The following RBM6 variants were observed in gnomAD, a reference collection of about 807,000 sequenced individuals.
The protein encoded by RBM6 is RNA binding motif protein 6.
Under a neutral mutation model 140.4 loss-of-function variants are expected in RBM6, and 23 were observed. The observed-to-expected ratio is 0.16, with a 90% CI of 0.12 to 0.23. The LOEUF is 0.23. RBM6 is among the 10% of genes least tolerant of loss of function. RBM6 has a pLI of 1.00. For missense variants in RBM6, 1,139 were observed against 1,386.7 expected (o/e 0.82, Z 2.84); for synonymous variants, 439 against 475.6 (o/e 0.92, Z 1.00).
At chr3:50,045,949 T>G (rs1354018531) in intron 6 of RBM6, among the ~76,000 whole-genome samples, 2 of 152,148 alleles carry the variant, frequency 1.3e-5, no homozygotes, top group Non-Finnish European at 2.9e-5. Flanking sequence ...CTACAGTCCA[T>G]GCTCTTAAAG....
chr3:49,990,868 A>G (rs1467552428), intron 5 of RBM6, among the ~76,000 whole-genome samples: 1 of 152,220 alleles, frequency 6.6e-6, no homozygotes, highest in Admixed American at 6.5e-5. Flanking sequence ...TGTGTCATGT[A>G]GGCAGAGAGA....
chr3:50,056,901 G>T (rs1309677564), intron 8 of RBM6, among the ~76,000 whole-genome samples: 1 of 152,172 alleles, frequency 6.6e-6, no homozygotes, highest in African/African-American at 2.4e-5. Context: ...CGTGCAGATA[G>T]GGTCTGTTCC....
At chr3:49,990,312 A>G (rs2085762417) in intron 5 of RBM6, among the ~76,000 whole-genome samples, 1 of 152,298 alleles carries the variant, frequency 6.6e-6, no homozygotes, top group East Asian at 1.9e-4. Flanking sequence ...GTGTTACTGT[A>G]TTGAACACCA....
In RBM6 at chr3:50,061,953, G is replaced by GT. The variant is rs1559646564; in HGVS notation, c.2440-8dup. The GT allele has an allele frequency of 6.2e-7, 1 of 1,611,972 alleles. No individual in the cohort carries two copies. Reference sequence around the variant, plus strand: ...TCTGTAGACTTACTTGTTTCCAACTGTATCGCAGCAAGAAGTCTATGTGCC... The same window carrying GT: ...TCTGTAGACTTACTTGTTTCCAACTGTTATCGCAGCAAGAAGTCTATGTGCC... On this transcript the variant is annotated splice_polypyrimidine_tract_variant and intron_variant, in intron 14 of 20. Transcript: ENST00000266022.
At chr3:50,060,519 G>A (rs775792000) in intron 11 of RBM6, among the ~76,000 whole-genome samples, 8 of 151,712 alleles carry the variant, frequency 5.3e-5, no homozygotes, top group East Asian at 1.9e-4. Flanking sequence ...AGGCCGAGGC[G>A]GGCAGATCAT....
intron 10 of RBM6, chr3:50,059,301 A>G (rs2089844420): frequency 6.1e-6 from 1 of 162,896 alleles, no homozygotes; most frequent in Non-Finnish European, 1.3e-5. Flanking sequence ...GGTGAAGATA[A>G]TGAAAGTCAT....
intron 11 of RBM6, 79 bp from the exon 12 acceptor site, chr3:50,060,877 C>T (rs560379584): frequency 7.8e-6 from 11 of 1,412,838 alleles, no homozygotes; most frequent in Non-Finnish European, 1.0e-5. Context: ...GAGGATTTCT[C>T]GATAGGAACT....
At chr3:50,024,984 C>T (rs2087717253) in intron 6 of RBM6, among the ~76,000 whole-genome samples, 1 of 150,890 alleles carries the variant, frequency 6.6e-6, no homozygotes, top group Non-Finnish European at 1.5e-5. Flanking sequence ...GAGCAAGACT[C>T]CGTCTCAAAA....
intron 5 of RBM6, among the ~76,000 whole-genome samples, chr3:49,992,878 C>T (rs1422284190): frequency 2.6e-5 from 4 of 152,156 alleles, no homozygotes; most frequent in Non-Finnish European, 4.4e-5. Flanking sequence ...TCTTTTCTGC[C>T]AGACTGAAGT....
intron 5 of RBM6, among the ~76,000 whole-genome samples, chr3:49,984,650 C>T (rs149784365): frequency 0.034 from 4,809 of 140,126 alleles, 291 homozygotes; most frequent in African/African-American, 0.13. Context: ...CGCATCGCAT[C>T]GCATCGCATC....
intron 1 of RBM6, among the ~76,000 whole-genome samples, chr3:49,953,623 G>A (rs1321689115): frequency 1.3e-5 from 2 of 151,304 alleles, no homozygotes; most frequent in South Asian, 2.1e-4. Context: ...GGGTTCAAGT[G>A]ATCCTTCTGC....
At chr3:50,017,360 A>T (rs1425189234) in intron 6 of RBM6, among the ~76,000 whole-genome samples, 1 of 152,094 alleles carries the variant, frequency 6.6e-6, no homozygotes, top group Non-Finnish European at 1.5e-5. Flanking sequence ...GATCGAGACC[A>T]TCCTGGCTAA....
At chr3:50,072,083 CAAAA>C (rs974465674) in intron 19 of RBM6, among the ~76,000 whole-genome samples, 11 of 41,460 alleles carry the variant, frequency 2.7e-4, no homozygotes, top group Non-Finnish European at 4.7e-4. Context: ...GACTCTGTCT[CAAAA>C]AAAAAAAAAA....
intron 6 of RBM6, among the ~76,000 whole-genome samples, chr3:50,011,119 C>G (rs756364454): frequency 5.9e-5 from 9 of 151,452 alleles, no homozygotes; most frequent in Non-Finnish European, 8.8e-5. Context: ...TTCAGCTACT[C>G]AGGAGGCTGA....
chr3:50,007,451 G>A (rs1308444283), intron 6 of RBM6, among the ~76,000 whole-genome samples: 1 of 151,928 alleles, frequency 6.6e-6, no homozygotes, highest in African/African-American at 2.4e-5. Flanking sequence ...GCCTCCCAAA[G>A]TGCTGGATTA....
At chr3:50,072,512 C>A (rs1306872373) in intron 19 of RBM6, among the ~76,000 whole-genome samples, 1 of 152,040 alleles carries the variant, frequency 6.6e-6, no homozygotes, top group Non-Finnish European at 1.5e-5. Context: ...CTTGAGGAGG[C>A]TGGACAGGTT....
intron 6 of RBM6, among the ~76,000 whole-genome samples, chr3:50,040,718 G>A (rs1033409153): frequency 2.7e-5 from 4 of 150,596 alleles, no homozygotes; most frequent in East Asian, 1.9e-4. Context: ...ATGCAATGGC[G>A]TGAGCTTGGC....
chr3:50,076,946 A>G, intron 20 of RBM6, 62 bp from the exon 21 acceptor site: 1 of 1,511,568 alleles, frequency 6.6e-7, no homozygotes, highest in Middle Eastern at 2.4e-4. Flanking sequence ...CTGTGGTCAA[A>G]GACCAGCGCT....
chr3:49,989,497 C>T (rs1265860617), intron 5 of RBM6, among the ~76,000 whole-genome samples: 2 of 152,120 alleles, frequency 1.3e-5, no homozygotes, highest in African/African-American at 4.8e-5. Context: ...ATCGCTTGAA[C>T]CCGGAAGGTG....
Sources: allele counts gnomAD v4.1 joint callset (sites outside exome capture counted in the v4.1 genomes callset), GRCh38; gene constraint gnomAD v4.1.1; transcripts MANE v1.5; gene names NCBI Gene and HGNC (gene_info 2026-07-23, HGNC 2026-07-21).